MTCL1: variants seen among roughly 807,000 people sequenced by gnomAD.
MTCL1 encodes microtubule cross-linking factor 1.
A neutral mutation model predicts 141.4 loss-of-function variants in MTCL1; 79 were observed. That is an observed-to-expected ratio of 0.56 (90% confidence interval 0.47 to 0.67). MTCL1 has a LOEUF of 0.67. MTCL1 is among the 30% of genes least tolerant of loss of function. The probability of loss-of-function intolerance (pLI) is 0.00; values close to 1 mark genes in which losing one functional copy is unlikely to be tolerated. For synonymous variants in MTCL1, 914 were observed against 875.8 expected (o/e 1.04, Z -0.77); for missense variants, 2,177 against 2,113.9 (o/e 1.03, Z -0.59).
At chr18:8,771,230 C>T (rs1236352010) in intron 4 of MTCL1, among the ~76,000 whole-genome samples, 1 of 152,098 alleles carries the variant, frequency 6.6e-6, no homozygotes, top group Non-Finnish European at 1.5e-5. Context: ...CTCAAATGAT[C>T]CCCCTACCTC....
chr18:8,789,530 C>T (rs2075644728), intron 7 of MTCL1: 1 of 985,342 alleles, frequency 1.0e-6, no homozygotes, highest in Admixed American at 6.1e-5. Flanking sequence ...TAGCCTTTGT[C>T]AATCAGTGTG....
At chr18:8,744,938 A>C (rs141437250) in intron 4 of MTCL1, among the ~76,000 whole-genome samples, 2,748 of 152,304 alleles carry the variant, frequency 0.018, 50 homozygotes, top group South Asian at 0.075. Context: ...GGCCCTGAGC[A>C]GGGCAGCCAG....
chr18:8,825,914 T>C (rs2077008430), exon 15 of MTCL1: 10 of 1,610,012 alleles, frequency 6.2e-6, no homozygotes, highest in African/African-American at 1.3e-5. Flanking sequence ...GGGCCGGCAG[T>C]CGGTCTCGCT....
chr18:8,825,139 G>A lies in MTCL1; in HGVS notation c.3629G>A (p.Gly1210Asp), dbSNP rs759085254. 3.2e-6 allele frequency: 5 copies of A among 1,587,058 alleles called. No homozygotes were observed. In the African/African-American group the frequency reaches 4.0e-5, roughly 13 times the overall value. Residue 1210 changes from glycine (G) to aspartate (D), a missense_variant, in exon 15 of 17, where the codon GGT becomes GAT. By Grantham distance (94) the Gly-to-Asp change is moderately conservative. Transcript: ENST00000359865. ...GTCGACAGCATCACGGCGGCAGGTG[G>A]TGAGGGTCCCTTTCCCACAAGCAGA...
intron 4 of MTCL1, among the ~76,000 whole-genome samples, chr18:8,765,122 C>T (rs2096453510): frequency 6.6e-6 from 1 of 152,210 alleles, no homozygotes; most frequent in African/African-American, 2.4e-5. Flanking sequence ...CGCCTACCTG[C>T]AGGCCATTTG....
chr18:8,807,813 C>G (rs930938451), intron 11 of MTCL1, among the ~76,000 whole-genome samples: 1 of 152,128 alleles, frequency 6.6e-6, no homozygotes, highest in African/African-American at 2.4e-5. Flanking sequence ...TTTCTTCCAG[C>G]CCCTTGATCA....
At chr18:8,753,253 T>C (rs2096381000) in intron 4 of MTCL1, among the ~76,000 whole-genome samples, 1 of 152,256 alleles carries the variant, frequency 6.6e-6, no homozygotes, top group Non-Finnish European at 1.5e-5. Context: ...CATGGCCTTC[T>C]AATCCAGTTG....
At chr18:8,718,400 A>T (rs772298910) in intron 2 of MTCL1, 24 bp from the exon 2 acceptor site, 7 of 1,609,586 alleles carry the variant, frequency 4.3e-6, no homozygotes, top group Non-Finnish European at 6.0e-6. Context: ...TGGCTCATAA[A>T]TCTTCTCTGT....
chr18:8,789,293 C>G, intron 7 of MTCL1: 2 of 439,468 alleles, frequency 4.6e-6, no homozygotes, highest in Non-Finnish European at 6.0e-6. Context: ...TCATGTACTG[C>G]TTTTGAAATA....
intron 5 of MTCL1, chr18:8,781,956 G>C (rs1254227757): frequency 6.6e-6 from 1 of 152,316 alleles, no homozygotes; most frequent in African/African-American, 2.4e-5. Context: ...CTTGGTCGTA[G>C]GTGTTGGGCT....
chr18:8,778,041 A>G, intron 5 of MTCL1, 149 bp downstream of exon 4: 1 of 599,364 alleles, frequency 1.7e-6, no homozygotes, highest in Non-Finnish European at 2.8e-6. Context: ...TAACCTCCAC[A>G]GTGTGAACAT....
intron 5 of MTCL1, among the ~76,000 whole-genome samples, chr18:8,780,130 A>G (rs77925056): frequency 0.031 from 4,645 of 152,142 alleles, 151 homozygotes; most frequent in African/African-American, 0.075. Flanking sequence ...TTTCACTTCA[A>G]CTTGTTGGGG....
chr18:8,819,265 C>G lies in MTCL1; in HGVS notation c.3156+6C>G, dbSNP rs754069722. On this transcript the variant is annotated splice_donor_region_variant and intron_variant, in intron 13 of 16. Coordinates refer to ENST00000359865, the Ensembl canonical transcript of MTCL1. ...TCAGGAACCGCCTCCCTGAGGTCAG[C>G]CAGGTTTTGTCCATCCTAGTTAACC... 6.2e-7 allele frequency: 1 copy of G among 1,613,450 alleles called. No individual in the cohort carries two copies. The highest frequency in any genetic ancestry group is 2.2e-5 in the East Asian group (1 of 44,878).
intron 4 of MTCL1, among the ~76,000 whole-genome samples, chr18:8,739,621 T>TGATC (rs2096291331): frequency 6.6e-6 from 1 of 152,204 alleles, no homozygotes; most frequent in Non-Finnish European, 1.5e-5. Context: ...CAGCACTGTG[T>TGATC]GATCATACAG....
rs371825696 is a variant in MTCL1, at chr18:8,826,303, T to C, written c.4722+71T>C. The C allele has an allele frequency of 6.5e-5, 87 of 1,347,140 alleles. No homozygotes were observed. In the African/African-American group the frequency reaches 1.2e-3, roughly 18 times the overall value. The allele number at this position is 1,347,140 out of a possible 1,614,324, so 83.4% of individuals were successfully genotyped here. ...CTTTAGCTGTGGGGCAGGTTGGGAC[T>C]TGGGATTGTGCTCTGTCATTTGATC... On this transcript the variant is annotated intron_variant, in intron 15 of 16. Transcript: ENST00000359865.
intron 1 of MTCL1, among the ~76,000 whole-genome samples, chr18:8,708,034 G>A (rs2096067326): frequency 6.6e-6 from 1 of 152,182 alleles, no homozygotes; most frequent in South Asian, 2.1e-4. Flanking sequence ...GTTTGTTTTT[G>A]TCACTTACTC....
Position 8,779,126 on chromosome 18 carries a change from G to C in MTCL1, c.417+1234G>C, listed in dbSNP as rs774200164. On this transcript the variant is annotated intron_variant, in intron 5 of 16. Coordinates refer to ENST00000359865, the Ensembl canonical transcript of MTCL1. The surrounding 1 kb of genome is among the most constrained non-coding windows in gnomAD (Gnocchi z 4.1). ...CCGGCGCAAGGTAGGCACGTGGGCA[G>C]TCACCCGCTCAGGGTGCTGGCTGGA... 1.3e-5 allele frequency among the ~76,000 whole-genome samples: 2 copies of C among 152,262 alleles called. No homozygotes were observed. Among genetic ancestry groups the C allele is most frequent in the Non-Finnish European group, 2.9e-5 (2 of 68,048 alleles).
At chr18:8,824,992 TCACCATGACCACGGA>T (rs2076969583) in exon 15 of MTCL1, 1 of 1,613,282 alleles carries the variant, frequency 6.2e-7, no homozygotes. Flanking sequence ...ACCACAAGTG[TCACCATGACCACGGA>T]CACCATGACC....
chr18:8,756,232 G>A (rs1013358644), intron 4 of MTCL1, among the ~76,000 whole-genome samples: 3 of 152,136 alleles, frequency 2.0e-5, no homozygotes, highest in African/African-American at 2.4e-5. Context: ...AGACCATGCG[G>A]TGACTTCTAA....
Sources: gnomAD v4.1 joint callset for allele counts (sites outside exome capture counted in the v4.1 genomes callset) on GRCh38, gnomAD v4.1.1 for gene constraint, Gnocchi (gnomAD v3.1) non-coding constraint, MANE v1.5 for transcripts, NCBI Gene and HGNC (gene_info 2026-07-23, HGNC 2026-07-21) for gene names.